EPHB2: variants seen among roughly 807,000 people sequenced by gnomAD.
The protein encoded by EPHB2 is ephrin type-B receptor 2.
A neutral mutation model predicts 96.4 loss-of-function variants in EPHB2; 18 were observed. The ratio of observed to expected loss-of-function variants is 0.19; its 90% CI spans 0.13 to 0.28. The LOEUF is 0.28. Among genes scored for constraint, EPHB2 ranks in the 10% least tolerant of loss-of-function variants. The pLI is 1.00. For synonymous variants in EPHB2, 506 were observed against 534.1 expected (o/e 0.95, Z 0.72); for missense variants, 989 against 1,355.4 (o/e 0.73, Z 4.25).
chr1:22,779,394 G>A (rs915151963), intron 1 of EPHB2, among the ~76,000 whole-genome samples: 5 of 152,118 alleles, frequency 3.3e-5, no homozygotes, highest in African/African-American at 1.2e-4. Context: ...AGGGACACAA[G>A]CCACAGGCAG....
At chr1:22,791,792 C>T (rs1056441959) in intron 3 of EPHB2, among the ~76,000 whole-genome samples, 3 of 152,120 alleles carry the variant, frequency 2.0e-5, no homozygotes, top group Admixed American at 2.0e-4. Context: ...TAAACAAATG[C>T]TGGGGTGAGC....
At position 22,846,340 on chromosome 1, in the gene EPHB2, C is replaced by T. The variant is rs1470629310; in HGVS notation, c.812-16697C>T. Among the ~76,000 whole-genome samples, 2 of 150,522 alleles carry T rather than the reference C, an allele frequency of 1.3e-5. No homozygotes were observed. Among genetic ancestry groups the T allele is most frequent in the African/African-American group, 2.4e-5 (1 of 40,848 alleles). On this transcript the variant is annotated intron_variant, in intron 3 of 15. Transcript: ENST00000374630. This position sits in a 1 kb window ranked among gnomAD's most constrained non-coding sequence, Gnocchi z 4.3. ...CTGAGGCAGGAGAATCACTTGAACC[C>T]GGGAGGTGGAGGTTGCAGTGAGCCG...
rs1386298517 is a variant in EPHB2 at position 22,918,120 on chromosome 1, T to C, written c.*4550T>C. The C allele has an allele frequency of 6.6e-6, 1 of 152,260 alleles. No individual in the cohort carries two copies. The highest frequency in any genetic ancestry group is 1.5e-5 in the Non-Finnish European group (1 of 68,108). The allele number at this position is 152,260 out of a possible 1,614,324, so 9.4% of individuals were successfully genotyped here. A position where few individuals can be genotyped will look rare whatever the true frequency, so the allele number is the denominator to read the frequency against. On this transcript the variant is annotated 3_prime_UTR_variant, in exon 16 of 16. Transcript: ENST00000374630. This position sits in a 1 kb window ranked among gnomAD's most constrained non-coding sequence, Gnocchi z 4.2. ...AAGAAGCACCAGTTCAGCCATCAGA[T>C]GGGGCAGGATGCCTCCCAGCTACTC... is the stretch of plus-strand genomic sequence containing the variant.
intron 1 of EPHB2, among the ~76,000 whole-genome samples, chr1:22,768,524 C>CTAAA (rs1254168560): frequency 6.6e-6 from 1 of 151,880 alleles, no homozygotes; most frequent in African/African-American, 2.4e-5. Flanking sequence ...CCAGTCTCTA[C>CTAAA]TAAATAAATA....
chr1:22,909,611 C>T lies in EPHB2; in HGVS notation c.2502+440C>T, dbSNP rs186371500. On this transcript the variant is annotated intron_variant, in intron 13 of 15. Coordinates refer to ENST00000374630, the MANE Select transcript of EPHB2 (RefSeq NM_017449.5). ...TGGGCAAGATCAGCCAGGAAGTGAT[C>T]GCAGGACAAGTGGGGTTCGAAAGGT... is the stretch of plus-strand genomic sequence containing the variant. Among the ~76,000 whole-genome samples, 9 of 152,292 alleles carry T rather than the reference C, an allele frequency of 5.9e-5. No homozygotes were observed. The East Asian group carries it at 1.7e-3, about 29-fold the overall frequency.
At chr1:22,829,593 G>A (rs1347452465) in intron 3 of EPHB2, among the ~76,000 whole-genome samples, 1 of 152,204 alleles carries the variant, frequency 6.6e-6, no homozygotes, top group Non-Finnish European at 1.5e-5. Flanking sequence ...TCTGTCAGTT[G>A]TCATTTTCAG....
At chr1:22,746,821 C>G (rs1014260599) in intron 1 of EPHB2, among the ~76,000 whole-genome samples, 2 of 152,144 alleles carry the variant, frequency 1.3e-5, no homozygotes, top group African/African-American at 4.8e-5. Context: ...TCAGACCCCG[C>G]TCTGAGGCCA....
chr1:22,847,376 G>T (rs1360178691), intron 3 of EPHB2, among the ~76,000 whole-genome samples: 3 of 152,198 alleles, frequency 2.0e-5, no homozygotes, highest in African/African-American at 7.2e-5. Context: ...CTTATATGAA[G>T]CCTGGAACAC....
intron 3 of EPHB2, among the ~76,000 whole-genome samples, chr1:22,859,313 G>C (rs1191259217): frequency 6.9e-6 from 1 of 144,708 alleles, no homozygotes; most frequent in Non-Finnish European, 1.5e-5. Context: ...GGGGGGTATT[G>C]TACCTAGGTG....
At chr1:22,868,596 G>A (rs1638558801) in intron 5 of EPHB2, among the ~76,000 whole-genome samples, 1 of 152,128 alleles carries the variant, frequency 6.6e-6, no homozygotes, top group African/African-American at 2.4e-5. Flanking sequence ...CATTCTCCTT[G>A]GACTGGCAGC....
At position 22,914,798 on chromosome 1, in the gene EPHB2, G is replaced by C. The variant is rs1640223127; in HGVS notation, c.*1228G>C. The C allele has an allele frequency of 6.6e-6, 1 of 152,656 alleles. No homozygotes were observed. The highest frequency in any genetic ancestry group is 1.5e-5 in the Non-Finnish European group (1 of 68,072). 9.5% of individuals were successfully genotyped at this position (152,656 alleles called of 1,614,324 possible). ...CTGGGCCATTCAGAGACTGGAGTGA[G>C]ATTTGGGTGTGGAGGGGGAGGCGCC... On this transcript the variant is annotated 3_prime_UTR_variant, in exon 16 of 16. Coordinates refer to ENST00000374630, the MANE Select transcript of EPHB2 (RefSeq NM_017449.5).
At chr1:22,893,830 C>T (rs1338597640) in intron 7 of EPHB2, among the ~76,000 whole-genome samples, 3 of 152,222 alleles carry the variant, frequency 2.0e-5, no homozygotes, top group Non-Finnish European at 4.4e-5. Context: ...TCAGCACTCA[C>T]CAGATTGTAG....
intron 5 of EPHB2, among the ~76,000 whole-genome samples, chr1:22,874,836 A>G (rs1004672501): frequency 3.3e-5 from 5 of 152,148 alleles, no homozygotes; most frequent in African/African-American, 7.2e-5. Context: ...TATTTTTTTC[A>G]TATGTTCCAC....
At chr1:22,773,878 C>T (rs1345612947) in intron 1 of EPHB2, among the ~76,000 whole-genome samples, 1 of 152,220 alleles carries the variant, frequency 6.6e-6, no homozygotes, top group Non-Finnish European at 1.5e-5. Flanking sequence ...CCGGCTCCAT[C>T]GCTTCCTGGC....
chr1:22,864,742 T>C (rs1279262600), intron 4 of EPHB2, 135 bp from the exon 5 acceptor site: 7 of 615,002 alleles, frequency 1.1e-5, no homozygotes, highest in African/African-American at 5.6e-5. Flanking sequence ...AACATTTCTC[T>C]GGTGGGGAGA....
chr1:22,815,306 A>C (rs1194631290), intron 3 of EPHB2, among the ~76,000 whole-genome samples: 1 of 152,198 alleles, frequency 6.6e-6, no homozygotes, highest in Non-Finnish European at 1.5e-5. Context: ...TGAGTCCCAA[A>C]GTGCAGCCCC....
Position 22,721,921 on chromosome 1 carries a change from T to C in EPHB2, c.61+10878T>C, listed in dbSNP as rs150749244. On this transcript the variant is annotated intron_variant, in intron 1 of 15. Coordinates refer to ENST00000374630, the MANE Select transcript of EPHB2 (RefSeq NM_017449.5). Reference sequence around the variant, plus strand: ...ATAAGCCATTGCGCCCAGCCTGATTTGCAAAGTTCTGATGCTTATGGGAAA... The same window carrying C: ...ATAAGCCATTGCGCCCAGCCTGATTCGCAAAGTTCTGATGCTTATGGGAAA... 1.3e-4 allele frequency among the ~76,000 whole-genome samples: 20 copies of C among 152,244 alleles called. No homozygotes were observed. The East Asian group carries it at 3.5e-3, about 27-fold the overall frequency.
chr1:22,839,736 A>T (rs1157258399), intron 3 of EPHB2, among the ~76,000 whole-genome samples: 1 of 152,172 alleles, frequency 6.6e-6, no homozygotes, highest in East Asian at 1.9e-4. Flanking sequence ...TGACATTAGA[A>T]GGCATCGTAG....
intron 3 of EPHB2, among the ~76,000 whole-genome samples, chr1:22,826,327 C>A (rs899509603): frequency 1.3e-5 from 2 of 152,224 alleles, no homozygotes; most frequent in Admixed American, 1.3e-4. Context: ...TACCAGTTCC[C>A]AGAATATAGC....
Sources: allele counts gnomAD v4.1 joint callset (sites outside exome capture counted in the v4.1 genomes callset), GRCh38; gene constraint gnomAD v4.1.1; non-coding constraint Gnocchi (gnomAD v3.1); transcripts MANE v1.5; gene names NCBI Gene and HGNC (gene_info 2026-07-23, HGNC 2026-07-21).